PRTG: variants seen among roughly 807,000 people sequenced by gnomAD.
PRTG encodes protogenin, also known as immunoglobulin superfamily, DCC subclass, member 5.
In PRTG, 67 loss-of-function variants were observed where a neutral mutation model predicts 122.5. The observed-to-expected ratio is 0.55, with a 90% CI of 0.45 to 0.67. The LOEUF (loss-of-function observed/expected upper bound fraction) is 0.67, where lower values mean the gene tolerates loss of function less well. Among genes scored for constraint, PRTG ranks in the 30% least tolerant of loss-of-function variants. The pLI, the probability that PRTG is intolerant of heterozygous loss-of-function variation, is 0.00. For synonymous variants in PRTG, 554 were observed against 501.1 expected, an observed-to-expected ratio of 1.11 and a Z score of -1.41; for missense variants, 1,435 against 1,415.4, an observed-to-expected ratio of 1.01 and a Z score of -0.22.
chr15:55,620,012 T>A lies in PRTG; in HGVS notation c.3453A>T (p.Ter1151CysextTer6). Residue 1151 changes from the stop codon to cysteine, a stop_lost, in exon 20 of 20, where the codon TGA becomes TGT. Transcript: ENST00000389286. The part of the protein sequence containing the change: ...SVISTTPPNL[*>C] ...ACCTGAATCACTGCCAGTGAAAGAA[T>A]CAGAGGTTGGGGGGTGTGGTACTTA... is the stretch of plus-strand genomic sequence containing the variant. 6 of 1,613,962 alleles carry A rather than the reference T, an allele frequency of 3.7e-6. No individual in the cohort carries two copies. The highest frequency in any genetic ancestry group is 5.1e-6 in the Non-Finnish European group (6 of 1,179,926).
rs536283213 is a variant in PRTG, at chr15:55,669,183, G to A, written c.2041+3262C>T. Among the ~76,000 whole-genome samples, 8 of 151,926 alleles carry A rather than the reference G, an allele frequency of 5.3e-5. No homozygotes were observed. The East Asian group carries it at 1.5e-3, about 29-fold the overall frequency. On this transcript the variant is annotated intron_variant, in intron 11 of 19. Transcript: ENST00000389286. ...TTATCAGAAGTAAAAAAAAAAAGGT[G>A]TATAAAGGCATCAGAAAGGGGATTA...
chr15:55,617,806 T>C lies in PRTG; in HGVS notation c.*2206A>G, dbSNP rs2059147543. 2.0e-5 allele frequency: 3 copies of C among 152,304 alleles called. No individual in the cohort carries two copies. Among genetic ancestry groups the C allele is most frequent in the South Asian group, 4.2e-4 (2 of 4,818 alleles). 9.4% of individuals were successfully genotyped at this position (152,304 alleles called of 1,614,324 possible). On this transcript the variant is annotated 3_prime_UTR_variant, in exon 20 of 20. Coordinates refer to ENST00000389286, the MANE Select transcript of PRTG (RefSeq NM_173814.6). ...ACCATGATGGATGATGTTTCAGCTT[T>C]AGATTTTGTTTGCCTTTTAATGAAA... is the stretch of plus-strand genomic sequence containing the variant.
intron 2 of PRTG, among the ~76,000 whole-genome samples, chr15:55,698,048 A>G (rs1054469620): frequency 6.6e-6 from 1 of 152,102 alleles, no homozygotes; most frequent in African/African-American, 2.4e-5. Context: ...ATCAGTAACC[A>G]TTCCAACTTG....
intron 1 of PRTG, chr15:55,742,634 G>C: frequency 1.7e-6 from 1 of 589,190 alleles, no homozygotes; most frequent in Non-Finnish European, 2.9e-6. Context: ...CCCTGCCCAA[G>C]CAGCGCAGAG....
intron 2 of PRTG, among the ~76,000 whole-genome samples, chr15:55,724,454 G>A (rs2030950916): frequency 6.6e-6 from 1 of 152,088 alleles, no homozygotes; most frequent in African/African-American, 2.4e-5. Context: ...GATAACAAAT[G>A]TAAAGTATGA....
chr15:55,656,111 T>C (rs1416575236), intron 11 of PRTG: 1 of 224,792 alleles, frequency 4.4e-6, no homozygotes, highest in East Asian at 1.3e-4. Context: ...CCCAACAAAT[T>C]TAACAATGGC....
rs2059132015 is a variant in PRTG at position 55,614,077 on chromosome 15, T to C, written c.*5935A>G. On this transcript the variant is annotated 3_prime_UTR_variant, in exon 20 of 20. Transcript: ENST00000389286. ...CTTATGCTTACTCGGAGTATTATTC[T>C]GGCCTTTCTCATAATGGAGACAGCT... 6.6e-6 allele frequency: 1 copy of C among 152,140 alleles called. No homozygotes were observed. Among genetic ancestry groups the C allele is most frequent in the African/African-American group, 2.4e-5 (1 of 41,466 alleles). The allele number at this position is 152,140 out of a possible 1,614,324, so 9.4% of individuals were successfully genotyped here. A position where few individuals can be genotyped will look rare whatever the true frequency, so the allele number is the denominator to read the frequency against.
At chr15:55,625,803 A>C (rs2059191608) in intron 17 of PRTG, among the ~76,000 whole-genome samples, 1 of 151,794 alleles carries the variant, frequency 6.6e-6, no homozygotes, top group African/African-American at 2.4e-5. Flanking sequence ...TTGTATTTTT[A>C]GTAGAGACAG....
At chr15:55,729,580 C>T (rs755385765) in intron 2 of PRTG, among the ~76,000 whole-genome samples, 8 of 151,402 alleles carry the variant, frequency 5.3e-5, no homozygotes, top group Non-Finnish European at 1.0e-4. Flanking sequence ...TAGCAAGATT[C>T]TGCGGGGAAA....
At position 55,624,401 on chromosome 15, in the gene PRTG, C is replaced by T. The variant is rs370056091; in HGVS notation, c.3034G>A (p.Val1012Ile). 5 of 1,614,072 alleles carry T rather than the reference C, an allele frequency of 3.1e-6. No homozygotes were observed. Among genetic ancestry groups the T allele is most frequent in the Middle Eastern group, 1.6e-4 (1 of 6,062 alleles). The change falls in exon 18 of 20, where the codon GTA becomes ATA. Residue 1012 changes from valine to isoleucine, a missense_variant. Physicochemically the swap from Val to Ile is conservative, Grantham distance 29 (BLOSUM62 3). Transcript: ENST00000389286. ...GGCATTAAAGATTCTTCATTTCCTACAGCTCCTTCCAGGTTCTTTCCTACC... is the reference window on the plus strand; with the variant it reads ...GGCATTAAAGATTCTTCATTTCCTATAGCTCCTTCCAGGTTCTTTCCTACC... ...NEVGKNLEGA[V>I]GNEESLMPMI...
At chr15:55,691,166 G>C (rs1355983680) in intron 2 of PRTG, among the ~76,000 whole-genome samples, 1 of 151,802 alleles carries the variant, frequency 6.6e-6, no homozygotes, top group Non-Finnish European at 1.5e-5. Context: ...TGTGGTGGCA[G>C]GTGCCTGTAA....
chr15:55,713,754 C>T (rs181694220), intron 2 of PRTG, among the ~76,000 whole-genome samples: 1 of 151,940 alleles, frequency 6.6e-6, no homozygotes, highest in African/African-American at 2.4e-5. Context: ...AGGATGTTTG[C>T]TTCTTTTTCA....
chr15:55,656,041 T>C (rs2059377986), intron 11 of PRTG: 1 of 179,920 alleles, frequency 5.6e-6, no homozygotes, highest in Non-Finnish European at 1.2e-5. Context: ...CACACCTAAA[T>C]ACTGTGACAT....
rs376933626 is a variant in PRTG at position 55,737,976 on chromosome 15, TTCTCTC to T, written c.397+2400_397+2405del. Among the ~76,000 whole-genome samples, 541 of 91,698 alleles carry T rather than the reference TTCTCTC, an allele frequency of 5.9e-3. 2 individuals are homozygous for T. The highest frequency in any genetic ancestry group is 0.01 in the Middle Eastern group (2 of 196). 60.2% of individuals were successfully genotyped at this position (91,698 alleles called of 152,430 possible). ...AACCAGAATGTCCACTTAATGCCTA[TTCTCTC>T]TCTCTCTCTCTCTCTCTCTCTATAT... On this transcript the variant is annotated intron_variant, in intron 2 of 19. Coordinates refer to ENST00000389286, the MANE Select transcript of PRTG (RefSeq NM_173814.6).
At chr15:55,620,330 C>T (rs1438915) in intron 19 of PRTG, 64 bp from the exon 20 acceptor site, 108,492 of 1,578,150 alleles carry the variant, frequency 0.069, 4,419 homozygotes, top group Non-Finnish European at 0.081. Context: ...AGCAAAAGCT[C>T]ATCAGGTCCC....
intron 2 of PRTG, among the ~76,000 whole-genome samples, chr15:55,740,158 A>G (rs1044508711): frequency 1.3e-5 from 2 of 152,212 alleles, no homozygotes; most frequent in Non-Finnish European, 2.9e-5. Context: ...GTTTCATTTT[A>G]CTTGGTGTTC....
intron 2 of PRTG, among the ~76,000 whole-genome samples, chr15:55,687,097 A>T (rs949239840): frequency 1.3e-5 from 2 of 151,986 alleles, no homozygotes; most frequent in Non-Finnish European, 2.9e-5. Flanking sequence ...ATTTGGCACT[A>T]AAAAAAATAT....
chr15:55,675,461 A>C lies in PRTG; in HGVS notation c.1546+58T>G, dbSNP rs2059497241. 7.3e-6 allele frequency: 9 copies of C among 1,238,372 alleles called. No homozygotes were observed. In the South Asian group the frequency reaches 1.5e-4, roughly 20 times the overall value. 76.7% of individuals were successfully genotyped at this position (1,238,372 alleles called of 1,614,324 possible). A position where few individuals can be genotyped will look rare whatever the true frequency, so the allele number is the denominator to read the frequency against. ...TTCTTTAAAACACATTTATTCATTGAAATTGACAAAACATACGAATGTTCA... is the reference window on the plus strand; with the variant it reads ...TTCTTTAAAACACATTTATTCATTGCAATTGACAAAACATACGAATGTTCA... On this transcript the variant is annotated intron_variant, in intron 9 of 19. Coordinates refer to ENST00000389286, the MANE Select transcript of PRTG (RefSeq NM_173814.6).
At chr15:55,742,797 G>A (rs772642643) in intron 1 of PRTG, 41 bp downstream of exon 1, 68 of 1,538,358 alleles carry the variant, frequency 4.4e-5, no homozygotes, top group Admixed American at 3.8e-4. Context: ...GCCCGCTCCC[G>A]CCCCACAGCG....
Sources: allele counts gnomAD v4.1 joint callset (sites outside exome capture counted in the v4.1 genomes callset), GRCh38; gene constraint gnomAD v4.1.1; transcripts MANE v1.5; gene names NCBI Gene and HGNC (gene_info 2026-07-23, HGNC 2026-07-21).